The following PDE3B variants were observed in gnomAD, a reference collection of about 807,000 sequenced individuals.
PDE3B encodes phosphodiesterase 3B.
Under a neutral mutation model 116.8 loss-of-function variants are expected in PDE3B, and 66 were observed. The ratio of observed to expected loss-of-function variants is 0.56; its 90% CI spans 0.46 to 0.69. The LOEUF (loss-of-function observed/expected upper bound fraction) is 0.69, where lower values mean the gene tolerates loss of function less well. PDE3B is among the 30% of genes least tolerant of loss of function. PDE3B has a pLI of 0.00. For synonymous variants in PDE3B, 595 were observed against 533.6 expected, an observed-to-expected ratio of 1.12 and a Z score of -1.59; for missense variants, 1,384 against 1,368.1, an observed-to-expected ratio of 1.01 and a Z score of -0.18.
chr11:14,749,865 T>C (rs1181833483), intron 1 of PDE3B, among the ~76,000 whole-genome samples: 2 of 111,416 alleles, frequency 1.8e-5, no homozygotes, highest in Non-Finnish European at 3.7e-5. Flanking sequence ...ATATTTAAAA[T>C]TTATATATTT....
intron 1 of PDE3B, among the ~76,000 whole-genome samples, chr11:14,704,554 T>C (rs905171980): frequency 6.6e-6 from 1 of 151,772 alleles, no homozygotes; most frequent in African/African-American, 2.4e-5. Context: ...TTAAAGACAA[T>C]GTGGTATTAG....
Position 14,644,759 on chromosome 11 carries a change from C to T in PDE3B, c.684C>T (p.Phe228=), listed in dbSNP as rs771120636. 4 of 1,597,670 alleles carry T rather than the reference C, an allele frequency of 2.5e-6. No individual in the cohort carries two copies. The African/African-American group carries it at 5.4e-5, about 21-fold the overall frequency. ...TTCTGGTGCTGCTCCTGGCCAGCTTCGTCTGGTGGGTCTCCTTCACCAGCC... is the reference window on the plus strand; with the variant it reads ...TTCTGGTGCTGCTCCTGGCCAGCTTTGTCTGGTGGGTCTCCTTCACCAGCC... ...HCVLVLLLAS[F]VWWVSFTSLG... Residue 228 remains phenylalanine (F), a synonymous_variant, in exon 1 of 16, where the codon TTC becomes TTT. Transcript: ENST00000282096.
intron 1 of PDE3B, among the ~76,000 whole-genome samples, chr11:14,670,226 A>G (rs1175273818): frequency 1.3e-5 from 2 of 152,166 alleles, no homozygotes; most frequent in African/African-American, 4.8e-5. Flanking sequence ...TGATGACCTT[A>G]GGCAAGTTAT....
chr11:14,885,728 GAT>G, the PDE3B span: 1 of 1,584,656 alleles, frequency 6.3e-7, no homozygotes. Context: ...TAAGGAATGT[GAT>G]TTAAAATATC....
chr11:14,817,705 C>G (rs1859377930), intron 5 of PDE3B, among the ~76,000 whole-genome samples: 2 of 152,036 alleles, frequency 1.3e-5, no homozygotes, highest in South Asian at 4.2e-4. Context: ...CACTGGAATC[C>G]AGCCTGGGCA....
chr11:14,725,783 T>A (rs1177798831), intron 1 of PDE3B, among the ~76,000 whole-genome samples: 1 of 151,612 alleles, frequency 6.6e-6, no homozygotes, highest in African/African-American at 2.4e-5. Context: ...CCTAGACTAT[T>A]GGAGTAACCT....
chr11:14,737,649 G>A (rs1284125555), intron 1 of PDE3B, among the ~76,000 whole-genome samples: 4 of 152,008 alleles, frequency 2.6e-5, no homozygotes, highest in African/African-American at 9.7e-5. Flanking sequence ...TAAGTTTTAG[G>A]GTACACATGC....
At chr11:14,661,564 G>T (rs1348539995) in intron 1 of PDE3B, among the ~76,000 whole-genome samples, 1 of 152,216 alleles carries the variant, frequency 6.6e-6, no homozygotes, top group African/African-American at 2.4e-5. Context: ...CAAAGAAAGG[G>T]GTGACAGACG....
intron 4 of PDE3B, 89 bp from the exon 5 acceptor site, chr11:14,803,855 T>C (rs979692848): frequency 2.6e-6 from 2 of 757,654 alleles, no homozygotes; most frequent in African/African-American, 3.5e-5. Context: ...TATGAGGATA[T>C]ATTTGCTAAT....
At chr11:14,673,810 G>GA in intron 1 of PDE3B, 2 of 897,382 alleles carry the variant, frequency 2.2e-6, no homozygotes, top group East Asian at 4.8e-5. Flanking sequence ...GCCTTGGGGT[G>GA]ATCTGCAAGA....
chr11:14,695,442 G>A (rs939305197), intron 1 of PDE3B, among the ~76,000 whole-genome samples: 1 of 152,066 alleles, frequency 6.6e-6, no homozygotes, highest in Non-Finnish European at 1.5e-5. Flanking sequence ...GTAGACATAT[G>A]TACTAATTTT....
At chr11:14,709,260 A>G (rs1475380632) in intron 1 of PDE3B, among the ~76,000 whole-genome samples, 3 of 152,170 alleles carry the variant, frequency 2.0e-5, no homozygotes, top group Non-Finnish European at 4.4e-5. Flanking sequence ...TGTAAATGCT[A>G]CCATTGTAGA....
the PDE3B span, among the ~76,000 whole-genome samples, chr11:14,882,280 A>G: frequency 6.6e-6 from 1 of 152,152 alleles, no homozygotes; most frequent in Non-Finnish European, 1.5e-5. Context: ...CAAATAAATT[A>G]TACAGCACGT....
intron 7 of PDE3B, among the ~76,000 whole-genome samples, chr11:14,820,885 C>T (rs1258181277): frequency 1.3e-5 from 2 of 152,200 alleles, no homozygotes; most frequent in Admixed American, 1.3e-4. Context: ...TTATAAGCCA[C>T]TCAGTCTGTA....
intron 1 of PDE3B, among the ~76,000 whole-genome samples, chr11:14,728,905 C>G (rs4144487): frequency 0.36 from 53,985 of 151,884 alleles, 10,963 homozygotes; most frequent in South Asian, 0.46. Flanking sequence ...TATAGGAGGT[C>G]TTTTTTAAGT....
chr11:14,880,155 G>T, the PDE3B span: 10 of 1,612,482 alleles, frequency 6.2e-6, no homozygotes, highest in African/African-American at 1.3e-5. Flanking sequence ...TAGGATAAAG[G>T]GCCATGAAAA....
intron 2 of PDE3B, among the ~76,000 whole-genome samples, chr11:14,785,526 A>T (rs1299190347): frequency 6.6e-6 from 1 of 152,084 alleles, no homozygotes; most frequent in South Asian, 2.1e-4. Flanking sequence ...AATTGCAAAC[A>T]TACCCAAATG....
chr11:14,694,011 A>T (rs1169980098), intron 1 of PDE3B, among the ~76,000 whole-genome samples: 1 of 152,114 alleles, frequency 6.6e-6, no homozygotes, highest in Non-Finnish European at 1.5e-5. Context: ...AGCCCTCATG[A>T]GTGACTTTGA....
At chr11:14,880,662 G>T in the PDE3B span, 5 of 1,596,992 alleles carry the variant, frequency 3.1e-6, no homozygotes, top group South Asian at 5.7e-5. Context: ...TTTCTTCCAA[G>T]ATTTTAGATT....
Sources: gnomAD v4.1 joint callset for allele counts (sites outside exome capture counted in the v4.1 genomes callset) on GRCh38, gnomAD v4.1.1 for gene constraint, MANE v1.5 for transcripts, NCBI Gene and HGNC (gene_info 2026-07-23, HGNC 2026-07-21) for gene names.